Variants in ATRNL1 observed in about 807,000 individuals in gnomAD.
ATRNL1 encodes the protein attractin-like protein 1.
ATRNL1 carries 95 observed loss-of-function variants against 182.7 expected under a neutral mutation model. The observed-to-expected ratio is 0.52, with a 90% CI of 0.44 to 0.62. The LOEUF (loss-of-function observed/expected upper bound fraction) is 0.62, where lower values mean the gene tolerates loss of function less well. Ranked by LOEUF, ATRNL1 falls within the 20% of genes least tolerant of loss-of-function variation. ATRNL1 has a pLI of 0.00. For synonymous variants in ATRNL1, 576 were observed against 568.3 expected (o/e 1.01, Z -0.19); for missense variants, 1,471 against 1,679.5 (o/e 0.88, Z 2.17).
chr10:115,564,677 G>C (rs1853965640), intron 26 of ATRNL1, among the ~76,000 whole-genome samples: 1 of 151,724 alleles, frequency 6.6e-6, no homozygotes, highest in South Asian at 2.1e-4. Flanking sequence ...GTTCAACATT[G>C]CCACCAGCAT....
At position 115,359,702 on chromosome 10, in the gene ATRNL1, G is replaced by T. The variant is rs551711148; in HGVS notation, c.3175+25283G>T. Among the ~76,000 whole-genome samples the T allele has an allele frequency of 4.0e-5, 6 of 151,560 alleles. No individual in the cohort carries two copies. The South Asian group carries it at 1.2e-3, about 31-fold the overall frequency. ...AGTTATGTAAAGCTCAAATAAGGAA[G>T]AAAATGCAATTTATGTAACTCTCTT... On this transcript the variant is annotated intron_variant, in intron 19 of 28. Transcript: ENST00000355044.
intron 27 of ATRNL1, among the ~76,000 whole-genome samples, chr10:115,826,262 T>G (rs1309404802): frequency 6.6e-6 from 1 of 152,140 alleles, no homozygotes; most frequent in Non-Finnish European, 1.5e-5. Context: ...ACTGGCACCC[T>G]CTGTCACAGC....
chr10:115,702,788 A>G (rs1344684933), intron 26 of ATRNL1, among the ~76,000 whole-genome samples: 1 of 152,048 alleles, frequency 6.6e-6, no homozygotes, highest in East Asian at 1.9e-4. Flanking sequence ...AAGAAGTCAT[A>G]GATGACTAAT....
rs185749547 is a variant in ATRNL1 at position 115,218,405 on chromosome 10, A to C, written c.1532+2525A>C. Among the ~76,000 whole-genome samples the C allele has an allele frequency of 2.6e-5, 4 of 152,292 alleles. No individual in the cohort carries two copies. In the East Asian group the frequency reaches 7.7e-4, roughly 29 times the overall value. On this transcript the variant is annotated intron_variant, in intron 9 of 28. Coordinates refer to ENST00000355044, the MANE Select transcript of ATRNL1 (RefSeq NM_207303.4). ...ATAGTGATTTGAAGTTGTCTTAAAC[A>C]TACTTTTAAGGCTACTGTCATTTGC... is the stretch of plus-strand genomic sequence containing the variant.
intron 1 of ATRNL1, chr10:115,096,753 A>G: frequency 7.8e-7 from 1 of 1,279,944 alleles, no homozygotes; most frequent in Non-Finnish European, 1.0e-6. Flanking sequence ...GTGGTACTTC[A>G]GTTCTCTTAG....
intron 28 of ATRNL1, among the ~76,000 whole-genome samples, chr10:115,926,340 A>T (rs1202347067): frequency 6.6e-6 from 1 of 152,102 alleles, no homozygotes; most frequent in Admixed American, 6.6e-5. Context: ...TAATATCACA[A>T]TTAAAAGAGC....
intron 26 of ATRNL1, among the ~76,000 whole-genome samples, chr10:115,675,265 G>C (rs918662484): frequency 6.6e-6 from 1 of 152,074 alleles, no homozygotes; most frequent in Non-Finnish European, 1.5e-5. Flanking sequence ...GGGAGGCTGA[G>C]AGTGGAGGAT....
chr10:115,882,444 T>C (rs1048473199), intron 28 of ATRNL1, among the ~76,000 whole-genome samples: 1 of 152,196 alleles, frequency 6.6e-6, no homozygotes, highest in African/African-American at 2.4e-5. Flanking sequence ...TTAGTTGTTC[T>C]TTCCCATAGG....
intron 26 of ATRNL1, among the ~76,000 whole-genome samples, chr10:115,588,548 CT>C (rs1565192156): frequency 6.6e-6 from 1 of 152,158 alleles, no homozygotes. Context: ...GAACCAAACC[CT>C]TTGGGAGGAA....
intron 26 of ATRNL1, among the ~76,000 whole-genome samples, chr10:115,594,505 TTTTTG>T (rs1240040951): frequency 3.3e-5 from 5 of 152,002 alleles, no homozygotes; most frequent in East Asian, 2.0e-4. Context: ...TAATACTTGT[TTTTTG>T]TTTTGTTTTG....
chr10:115,327,057 T>C (rs1368008422), intron 18 of ATRNL1, among the ~76,000 whole-genome samples: 1 of 150,896 alleles, frequency 6.6e-6, no homozygotes, highest in Admixed American at 6.6e-5. Context: ...CCAAAAGCAA[T>C]GGCAACAAAA....
At chr10:115,539,724 A>G (rs1385799988) in intron 25 of ATRNL1, among the ~76,000 whole-genome samples, 1 of 152,206 alleles carries the variant, frequency 6.6e-6, no homozygotes, top group Non-Finnish European at 1.5e-5. Context: ...GGCAGCAGCA[A>G]AATGGCTCAC....
At chr10:115,400,568 T>C (rs938253390) in intron 20 of ATRNL1, among the ~76,000 whole-genome samples, 7 of 152,152 alleles carry the variant, frequency 4.6e-5, no homozygotes, top group Admixed American at 4.6e-4. Context: ...TATGATTGTA[T>C]AGGAGCTTAA....
intron 20 of ATRNL1, among the ~76,000 whole-genome samples, chr10:115,417,721 G>A (rs1554961132): frequency 6.6e-6 from 1 of 152,178 alleles, no homozygotes; most frequent in Non-Finnish European, 1.5e-5. Context: ...TTCTGGGCTA[G>A]GTTTCCTGGC....
rs140217982 is a variant in ATRNL1 at position 115,584,044 on chromosome 10, G to A, written c.3795+34508G>A. Among the ~76,000 whole-genome samples the A allele has an allele frequency of 9.8e-3, 1,496 of 152,176 alleles. 18 individuals carry two copies. Among genetic ancestry groups the A allele is most frequent in the African/African-American group, 0.034 (1,417 of 41,500 alleles). On this transcript the variant is annotated intron_variant, in intron 26 of 28. Coordinates refer to ENST00000355044, the MANE Select transcript of ATRNL1 (RefSeq NM_207303.4). The stretch of plus-strand genomic sequence containing the variant: ...TTGTCTTTGGTTCTGTTTATATGCT[G>A]GATTACATTTATTGATTTGCGTGTA...
chr10:115,670,720 A>C (rs1555041106), intron 26 of ATRNL1, among the ~76,000 whole-genome samples: 1 of 152,064 alleles, frequency 6.6e-6, no homozygotes, highest in Non-Finnish European at 1.5e-5. Flanking sequence ...TTTGACTATA[A>C]AATATATTTC....
At chr10:115,420,844 A>C (rs782599216) in intron 20 of ATRNL1, among the ~76,000 whole-genome samples, 1 of 152,284 alleles carries the variant, frequency 6.6e-6, no homozygotes, top group African/African-American at 2.4e-5. Flanking sequence ...AAATGAATAA[A>C]ATCAAAGATG....
intron 5 of ATRNL1, among the ~76,000 whole-genome samples, chr10:115,156,865 C>T (rs782421074): frequency 6.6e-6 from 1 of 151,940 alleles, no homozygotes; most frequent in Non-Finnish European, 1.5e-5. Context: ...AGGAGTCTTG[C>T]ACATATAGTA....
chr10:115,817,942 C>G (rs376221011), intron 27 of ATRNL1, among the ~76,000 whole-genome samples: 3 of 148,194 alleles, frequency 2.0e-5, no homozygotes, highest in South Asian at 2.1e-4. Flanking sequence ...GTGGCTCCAA[C>G]AGAAAATTCT....
Sources: allele counts gnomAD v4.1 joint callset (sites outside exome capture counted in the v4.1 genomes callset), GRCh38; gene constraint gnomAD v4.1.1; transcripts MANE v1.5; gene names NCBI Gene and HGNC (gene_info 2026-07-23, HGNC 2026-07-21).